CREM: variants seen among roughly 807,000 people sequenced by gnomAD.
The protein encoded by CREM is cAMP-responsive element modulator.
CREM carries 13 observed loss-of-function variants against 37.3 expected under a neutral mutation model. The observed-to-expected ratio is 0.35, with a 90% CI of 0.23 to 0.55. CREM has a LOEUF of 0.55. CREM is among the 20% of genes least tolerant of loss of function. The pLI, the probability that CREM is intolerant of heterozygous loss-of-function variation, is 0.88. For missense variants in CREM, 296 were observed against 362.3 expected, an observed-to-expected ratio of 0.82 and a Z score of 1.49; for synonymous variants, 124 against 120.2, an observed-to-expected ratio of 1.03 and a Z score of -0.21.
At chr10:35,168,751 A>G (rs955511742) in intron 3 of CREM, among the ~76,000 whole-genome samples, 2 of 152,168 alleles carry the variant, frequency 1.3e-5, no homozygotes, top group Non-Finnish European at 2.9e-5. Flanking sequence ...TAAGTCTTTA[A>G]TCCGTCTTGA....
chr10:35,189,512 A>ATTT (rs1246310052), intron 6 of CREM, among the ~76,000 whole-genome samples: 1 of 151,652 alleles, frequency 6.6e-6, no homozygotes, highest in African/African-American at 2.4e-5. Flanking sequence ...TTGTTTATTT[A>ATTT]TTTATTTATT....
At chr10:35,187,029 CAT>C (rs1201806267) in intron 5 of CREM, among the ~76,000 whole-genome samples, 11 of 63,568 alleles carry the variant, frequency 1.7e-4, no homozygotes, top group East Asian at 8.5e-4. Flanking sequence ...ATATATATCA[CAT>C]ATAATATATA....
At chr10:35,201,375 C>T in intron 6 of CREM, 2 of 1,501,370 alleles carry the variant, frequency 1.3e-6, no homozygotes, top group Non-Finnish European at 1.8e-6. Flanking sequence ...GTGCCAGGCA[C>T]TGTGCTAGAC....
chr10:35,175,479 C>T (rs2094012121), intron 3 of CREM: 1 of 566,426 alleles, frequency 1.8e-6, no homozygotes, highest in African/African-American at 1.9e-5. Flanking sequence ...GTTCTATCTC[C>T]AATTTCTCTG....
chr10:35,195,256 T>C (rs1164188707), intron 6 of CREM: 1 of 1,611,432 alleles, frequency 6.2e-7, no homozygotes. Context: ...TTGTGCAGAT[T>C]GTTTTGAAGT....
intron 3 of CREM, among the ~76,000 whole-genome samples, chr10:35,159,973 C>G (rs1446750122): frequency 6.6e-6 from 1 of 152,104 alleles, no homozygotes; most frequent in East Asian, 1.9e-4. Context: ...CACTTAACAA[C>G]AGGTCTACAT....
At chr10:35,190,053 T>C (rs1755638868) in intron 6 of CREM, among the ~76,000 whole-genome samples, 1 of 152,336 alleles carries the variant, frequency 6.6e-6, no homozygotes, top group Admixed American at 6.5e-5. Flanking sequence ...CCCATACTCA[T>C]GGACCATATT....
chr10:35,188,175 AT>A, intron 5 of CREM, 24 bp from the exon 6 acceptor site: 1 of 1,589,368 alleles, frequency 6.3e-7, no homozygotes, highest in Non-Finnish European at 8.6e-7. Context: ...AAATTCTCTA[AT>A]ATTTCTTTTC....
At chr10:35,186,831 T>C (rs1280644054) in intron 5 of CREM, among the ~76,000 whole-genome samples, 5 of 117,392 alleles carry the variant, frequency 4.3e-5, no homozygotes, top group Non-Finnish European at 6.5e-5. Flanking sequence ...TATATACATA[T>C]ATAGGTATAT....
chr10:35,143,872 C>T (rs2091762663), intron 2 of CREM, among the ~76,000 whole-genome samples: 1 of 151,952 alleles, frequency 6.6e-6, no homozygotes, highest in South Asian at 2.1e-4. Context: ...GAGAGGACAG[C>T]AGAGAGGCTT....
chr10:35,152,237 GGTCATTTGATACTGGTT>G (rs1177903342), intron 3 of CREM: 1 of 152,218 alleles, frequency 6.6e-6, no homozygotes, highest in African/African-American at 2.4e-5. Flanking sequence ...TTGCATCTAA[GGTCATTTGATACTGGTT>G]GTTTTGATTG....
chr10:35,158,093 A>T (rs2093028495), intron 3 of CREM, among the ~76,000 whole-genome samples: 1 of 152,212 alleles, frequency 6.6e-6, no homozygotes, highest in Non-Finnish European at 1.5e-5. Flanking sequence ...AAGGAGACAC[A>T]AGTAAATGTT....
chr10:35,149,565 T>C (rs907301447), intron 3 of CREM, among the ~76,000 whole-genome samples: 1 of 151,994 alleles, frequency 6.6e-6, no homozygotes, highest in Non-Finnish European at 1.5e-5. Flanking sequence ...ACCATCAGGG[T>C]GCCTGGTGGA....
chr10:35,201,162 A>G (rs1038893056), intron 6 of CREM, among the ~76,000 whole-genome samples: 4 of 152,214 alleles, frequency 2.6e-5, no homozygotes, highest in African/African-American at 9.7e-5. Flanking sequence ...TTTAATAGGC[A>G]TATTTTTTAA....
At chr10:35,151,119 A>T (rs2092570170) in intron 3 of CREM, among the ~76,000 whole-genome samples, 1 of 152,192 alleles carries the variant, frequency 6.6e-6, no homozygotes, top group African/African-American at 2.4e-5. Context: ...GAGAACTGGG[A>T]TGTGAGAAAT....
At chr10:35,163,511 A>C (rs2093393751) in intron 3 of CREM, among the ~76,000 whole-genome samples, 1 of 152,134 alleles carries the variant, frequency 6.6e-6, no homozygotes, top group Non-Finnish European at 1.5e-5. Context: ...TAGGGAGACC[A>C]TGTCTCTATG....
intron 1 of CREM, among the ~76,000 whole-genome samples, chr10:35,134,908 TGCGCC>T (rs2090179679): frequency 6.6e-6 from 1 of 151,880 alleles, no homozygotes; most frequent in Admixed American, 6.6e-5. Flanking sequence ...CATGGTGGCA[TGCGCC>T]TGTAATCCCA....
At chr10:35,137,686 T>C (rs35808464) in intron 1 of CREM, 96 bp from the exon 2 acceptor site, 73,896 of 478,666 alleles carry the variant, frequency 0.15, 6,064 homozygotes, top group East Asian at 0.2. Flanking sequence ...TTCCTGGCCT[T>C]GTTTTGAGAG....
At chr10:35,204,596 C>CAAA (rs397845623) in intron 6 of CREM, among the ~76,000 whole-genome samples, 1 of 89,492 alleles carries the variant, frequency 1.1e-5, no homozygotes, top group African/African-American at 4.7e-5. Flanking sequence ...AACTACGTCT[C>CAAA]AAAAAAAAAA....
Sources: allele counts gnomAD v4.1 joint callset (sites outside exome capture counted in the v4.1 genomes callset), GRCh38; gene constraint gnomAD v4.1.1; transcripts MANE v1.5; gene names NCBI Gene and HGNC (gene_info 2026-07-23, HGNC 2026-07-21).